Variants in ELK4 observed in about 807,000 individuals in gnomAD.
The protein encoded by ELK4 is ETS transcription factor ELK4, also known as ETS domain-containing protein Elk-4.
ELK4 carries 16 observed loss-of-function variants against 29.6 expected under a neutral mutation model. That is an observed-to-expected ratio of 0.54 (90% confidence interval 0.37 to 0.82). The LOEUF is 0.82. ELK4 is among the 40% of genes least tolerant of loss of function. The probability of loss-of-function intolerance (pLI) is 0.00; values close to 1 mark genes in which losing one functional copy is unlikely to be tolerated. For missense variants in ELK4, 465 were observed against 507.1 expected (o/e 0.92, Z 0.80); for synonymous variants, 213 against 191.1 (o/e 1.11, Z -0.95).
intron 2 of ELK4, among the ~76,000 whole-genome samples, chr1:205,623,053 G>A (rs546669740): frequency 6.6e-6 from 1 of 151,452 alleles, no homozygotes; most frequent in African/African-American, 2.4e-5. Context: ...AGCTACTTGG[G>A]AGGCTGAGAC....
Position 205,612,492 on chromosome 1 carries a change from T to A in ELK4, c.*4054A>T, listed in dbSNP as rs1386375461. The A allele has an allele frequency of 4.7e-6, 1 of 213,700 alleles. No individual in the cohort carries two copies. Among genetic ancestry groups the A allele is most frequent in the Non-Finnish European group, 9.4e-6 (1 of 105,880 alleles). The allele number at this position is 213,700 out of a possible 1,614,324, so 13.2% of individuals were successfully genotyped here. A position where few individuals can be genotyped will look rare whatever the true frequency, so the allele number is the denominator to read the frequency against. On this transcript the variant is annotated 3_prime_UTR_variant, in exon 5 of 5. Coordinates refer to ENST00000357992, the MANE Select transcript of ELK4 (RefSeq NM_001973.4). ...CGGTATATAATTTAACATATACCCA[T>A]ATGAATTTTTAATAGGGAAAGTTTT...
rs993464246 is a variant in ELK4, at chr1:205,607,986, C to A, written c.*8560G>T. On this transcript the variant is annotated 3_prime_UTR_variant, in exon 5 of 5. Coordinates refer to ENST00000357992, the MANE Select transcript of ELK4 (RefSeq NM_001973.4). The stretch of plus-strand genomic sequence containing the variant: ...TTATTTAAAAAAATACAACTGCTGT[C>A]CATATCTAGTTGCACATATATCTAT... 1 of 175,896 alleles carries A rather than the reference C, an allele frequency of 5.7e-6. No homozygotes were observed. The allele number at this position is 175,896 out of a possible 1,614,324, so 10.9% of individuals were successfully genotyped here. A position where few individuals can be genotyped will look rare whatever the true frequency, so the allele number is the denominator to read the frequency against.
Position 205,631,672 on chromosome 1 carries a change from A to G in ELK4, c.-50T>C. ...GGCTCCCCCTCGGTCTCCGCCTCGA[A>G]CACGATGCGCCTCTCCGCCCTCAGC... On this transcript the variant is annotated 5_prime_UTR_variant, in exon 1 of 5. Coordinates refer to ENST00000357992, the MANE Select transcript of ELK4 (RefSeq NM_001973.4). The G allele has an allele frequency of 5.8e-6, 2 of 344,642 alleles. No homozygotes were observed. The highest frequency in any genetic ancestry group is 9.5e-4 in the Middle Eastern group (1 of 1,052). The allele number at this position is 344,642 out of a possible 1,614,324, so 21.3% of individuals were successfully genotyped here. A position where few individuals can be genotyped will look rare whatever the true frequency, so the allele number is the denominator to read the frequency against.
In ELK4 at chr1:205,614,107, T is replaced by C. The variant is rs1670194287; in HGVS notation, c.*2439A>G. ...TAGTTGATCTCAAAGAGATAGCAGA[T>C]CACCAATCTGTGACAGCCTCACACC... On this transcript the variant is annotated 3_prime_UTR_variant, in exon 5 of 5. Transcript: ENST00000357992. The C allele has an allele frequency of 4.5e-6, 1 of 223,414 alleles. No homozygotes were observed. Among genetic ancestry groups the C allele is most frequent in the Admixed American group, 5.7e-5 (1 of 17,414 alleles). The allele number at this position is 223,414 out of a possible 1,614,324, so 13.8% of individuals were successfully genotyped here.
rs1320553248 is a variant in ELK4, at chr1:205,625,663, T to TCTG, written c.-9-1775_-9-1773dup. On this transcript the variant is annotated intron_variant, in intron 1 of 4. Transcript: ENST00000357992. ...CCTTCTGATCTCACAGCTGGTCAGT[T>TCTG]CTGCTGCTGCTGCTTCTTTTTTTTT... is the stretch of plus-strand genomic sequence containing the variant. 7.8e-6 allele frequency: 7 copies of TCTG among 897,102 alleles called. No individual in the cohort carries two copies. The Admixed American group carries it at 9.6e-5, about 12-fold the overall frequency. The allele number at this position is 897,102 out of a possible 1,614,324, so 55.6% of individuals were successfully genotyped here. A position where few individuals can be genotyped will look rare whatever the true frequency, so the allele number is the denominator to read the frequency against.
intron 3 of ELK4, chr1:205,619,516 G>T (rs1011474223): frequency 9.1e-7 from 1 of 1,099,150 alleles, no homozygotes. Flanking sequence ...CTACTAAAAT[G>T]TTCTATGAGA....
chr1:205,627,783 T>C lies in ELK4; in HGVS notation c.-10+3849A>G, dbSNP rs537851992. On this transcript the variant is annotated intron_variant, in intron 1 of 4. Coordinates refer to ENST00000357992, the MANE Select transcript of ELK4 (RefSeq NM_001973.4). Reference sequence around the variant, plus strand: ...GATAAGAAACTGTAGTGGAAAATAGTTGGGTTTCTATAACTTTTCTGAAAC... The same window carrying C: ...GATAAGAAACTGTAGTGGAAAATAGCTGGGTTTCTATAACTTTTCTGAAAC... Among the ~76,000 whole-genome samples the C allele has an allele frequency of 2.7e-4, 41 of 152,348 alleles. No homozygotes were observed. In the East Asian group the frequency reaches 7.3e-3, roughly 27 times the overall value.
In ELK4 at chr1:205,631,981, C is replaced by T. The variant is rs986511684; in HGVS notation, c.-359G>A. The stretch of plus-strand genomic sequence containing the variant: ...CGGCCGCCGCCACTCTCAAACCCCC[C>T]GACTGCTCCTGGGTCCCTCCCAGAC... On this transcript the variant is annotated 5_prime_UTR_variant, in exon 1 of 5. Coordinates refer to ENST00000357992, the MANE Select transcript of ELK4 (RefSeq NM_001973.4). 1 of 151,882 alleles carries T rather than the reference C, an allele frequency of 6.6e-6. No homozygotes were observed. The highest frequency in any genetic ancestry group is 6.6e-5 in the Admixed American group (1 of 15,264). 9.4% of individuals were successfully genotyped at this position (151,882 alleles called of 1,614,324 possible).
intron 1 of ELK4, chr1:205,626,097 C>A: frequency 3.4e-6 from 3 of 888,166 alleles, no homozygotes; most frequent in Non-Finnish European, 5.7e-6. Context: ...CCAGGAACAC[C>A]ATGAAGACTT....
rs1558021170 is a variant in ELK4, at chr1:205,620,267, G to T, written c.779C>A (p.Pro260His). 1.2e-6 allele frequency: 2 copies of T among 1,614,208 alleles called. No homozygotes were observed. Among genetic ancestry groups the T allele is most frequent in the Non-Finnish European group, 1.7e-6 (2 of 1,180,036 alleles). ...ATTPPISSIP[P>H]LQEPPRTPSP... is the part of the protein sequence containing the mutation. ...AGGTGTTCTGGGAGGTTCCTGCAAAGGGGGTATGGACGAAATGGGTGGTGT... is the reference window on the plus strand; with the variant it reads ...AGGTGTTCTGGGAGGTTCCTGCAAATGGGGTATGGACGAAATGGGTGGTGT... The change falls in exon 3 of 5, where the codon CCT becomes CAT. Residue 260 changes from proline to histidine, a missense_variant. Coordinates refer to ENST00000357992, the MANE Select transcript of ELK4 (RefSeq NM_001973.4).
chr1:205,619,898 T>C (rs1188771869), intron 3 of ELK4, 68 bp downstream of exon 3: 3 of 1,614,158 alleles, frequency 1.9e-6, no homozygotes, highest in Non-Finnish European at 2.5e-6. Flanking sequence ...AGTGTATAAA[T>C]TCTGGATTTG....
intron 4 of ELK4, among the ~76,000 whole-genome samples, chr1:205,618,449 G>A (rs376075964): frequency 2.6e-5 from 4 of 151,768 alleles, no homozygotes; most frequent in African/African-American, 9.7e-5. Flanking sequence ...AGTAAATAAT[G>A]AAAATGAAAC....
Position 205,611,870 on chromosome 1 carries a change from G to GA in ELK4, c.*4675dup, listed in dbSNP as rs1361084505. 5.3e-6 allele frequency: 1 copy of GA among 189,496 alleles called. No homozygotes were observed. Among genetic ancestry groups the GA allele is most frequent in the Non-Finnish European group, 1.1e-5 (1 of 90,300 alleles). 11.7% of individuals were successfully genotyped at this position (189,496 alleles called of 1,614,324 possible). A position where few individuals can be genotyped will look rare whatever the true frequency, so the allele number is the denominator to read the frequency against. On this transcript the variant is annotated 3_prime_UTR_variant, in exon 5 of 5. Coordinates refer to ENST00000357992, the MANE Select transcript of ELK4 (RefSeq NM_001973.4). ...TATACAGTCAATGAGGTTAAAAACA[G>GA]AACAGACCTATAAAGAAAAGTATTC...
intron 1 of ELK4, among the ~76,000 whole-genome samples, chr1:205,630,964 A>T (rs1264432805): frequency 6.6e-6 from 1 of 152,246 alleles, no homozygotes; most frequent in Non-Finnish European, 1.5e-5. Flanking sequence ...AAATAGCAAT[A>T]GCTGGAGAAA....
At chr1:205,619,796 A>T in intron 3 of ELK4, 170 bp downstream of exon 3, 1 of 1,526,740 alleles carries the variant, frequency 6.5e-7, no homozygotes, top group Non-Finnish European at 8.8e-7. Flanking sequence ...CTATTTTAGC[A>T]ATCCTAATTA....
chr1:205,619,798 T>C, intron 3 of ELK4, 168 bp downstream of exon 3: 1 of 1,534,322 alleles, frequency 6.5e-7, no homozygotes, highest in Non-Finnish European at 8.7e-7. Flanking sequence ...ATTTTAGCAA[T>C]CCTAATTAAG....
rs367932929 is a variant in ELK4 at position 205,610,597 on chromosome 1, A to G, written c.*5949T>C. On this transcript the variant is annotated 3_prime_UTR_variant, in exon 5 of 5. Transcript: ENST00000357992. ...ACTTTGTTTAGAGTATGTCACATGTAAGCAGTGTATTTCTAAAATGTTGGT... is the reference window on the plus strand; with the variant it reads ...ACTTTGTTTAGAGTATGTCACATGTGAGCAGTGTATTTCTAAAATGTTGGT... 4 of 230,386 alleles carry G rather than the reference A, an allele frequency of 1.7e-5. No individual in the cohort carries two copies. The East Asian group carries it at 2.5e-4, about 14-fold the overall frequency. 14.3% of individuals were successfully genotyped at this position (230,386 alleles called of 1,614,324 possible). A position where few individuals can be genotyped will look rare whatever the true frequency, so the allele number is the denominator to read the frequency against.
chr1:205,617,125 C>T lies in ELK4; in HGVS notation c.1198-481G>A, dbSNP rs1192312539. The stretch of plus-strand genomic sequence containing the variant: ...ACAGGGAGATTCCAGGCTGAAGCTA[C>T]AGGAGCACTATGACTTTGCTTAAGG... On this transcript the variant is annotated intron_variant, in intron 4 of 4. Coordinates refer to ENST00000357992, the MANE Select transcript of ELK4 (RefSeq NM_001973.4). Among the ~76,000 whole-genome samples the T allele has an allele frequency of 2.0e-5, 3 of 152,158 alleles. No homozygotes were observed. In the East Asian group the frequency reaches 5.8e-4, roughly 29 times the overall value.
At chr1:205,630,711 G>A (rs1425021257) in intron 1 of ELK4, among the ~76,000 whole-genome samples, 3 of 152,172 alleles carry the variant, frequency 2.0e-5, no homozygotes, top group Non-Finnish European at 4.4e-5. Context: ...CACTTACGCA[G>A]TTTTAATGTT....
Sources: allele counts gnomAD v4.1 joint callset (sites outside exome capture counted in the v4.1 genomes callset), GRCh38; gene constraint gnomAD v4.1.1; transcripts MANE v1.5; gene names NCBI Gene and HGNC (gene_info 2026-07-23, HGNC 2026-07-21).